Variants in SETD2 observed in about 807,000 individuals in gnomAD.
SETD2 encodes SET domain containing 2, histone lysine methyltransferase.
A neutral mutation model predicts 242.1 loss-of-function variants in SETD2; 31 were observed. The ratio of observed to expected loss-of-function variants is 0.13; its 90% CI spans 0.10 to 0.17. The LOEUF (loss-of-function observed/expected upper bound fraction) is 0.17, where lower values mean the gene tolerates loss of function less well. Among genes scored for constraint, SETD2 ranks in the 10% least tolerant of loss-of-function variants. The pLI, the probability that SETD2 is intolerant of heterozygous loss-of-function variation, is 1.00. For synonymous variants in SETD2, 1,006 were observed against 1,066.5 expected (o/e 0.94, Z 1.11); for missense variants, 2,481 against 3,046.3 (o/e 0.81, Z 4.37).
chr3:47,162,813 A>G (rs1697530188), intron 1 of SETD2, among the ~76,000 whole-genome samples: 2 of 152,248 alleles, frequency 1.3e-5, no homozygotes. Flanking sequence ...CGGCTTTTCA[A>G]AACAATGGTC....
chr3:47,137,318 G>A (rs1469930181), intron 1 of SETD2, among the ~76,000 whole-genome samples: 6 of 151,244 alleles, frequency 4.0e-5, no homozygotes, highest in Non-Finnish European at 8.9e-5. Flanking sequence ...TCAGCTTCCC[G>A]AGTAGCTGAG....
At chr3:47,115,271 T>A (rs1041702688) in intron 4 of SETD2, among the ~76,000 whole-genome samples, 1 of 152,100 alleles carries the variant, frequency 6.6e-6, no homozygotes, top group Non-Finnish European at 1.5e-5. Flanking sequence ...AACCTAATCA[T>A]GAGAACAACC....
In SETD2 at chr3:47,122,201, A is replaced by G. The variant is rs537620848; in HGVS notation, c.2435T>C (p.Ile812Thr). 79 of 1,613,986 alleles carry G rather than the reference A, an allele frequency of 4.9e-5. 2 individuals carry two copies. The South Asian group carries it at 7.5e-4, about 15-fold the overall frequency. ...PSLCNSEAEN[I>T]EPSVMKISSN... ...AGAAATCTTCATAACTGAAGGCTCA[A>G]TATTTTCAGCTTCAGAGTTACACAA... Residue 812 changes from isoleucine to threonine, a missense_variant, in exon 3 of 21, where the codon ATT becomes ACT. Physicochemically the swap from Ile to Thr is moderately conservative, Grantham distance 89 (BLOSUM62 -1). Around this residue, in one of 17 missense-constraint regions of SETD2, gnomAD observed 1,300 missense variants for 1,259.2 expected, o/e 1.03. Coordinates refer to ENST00000409792, the MANE Select transcript of SETD2 (RefSeq NM_014159.7).
At chr3:47,092,870 T>C (rs1443927497) in intron 9 of SETD2, among the ~76,000 whole-genome samples, 3 of 152,314 alleles carry the variant, frequency 2.0e-5, no homozygotes, top group African/African-American at 7.2e-5. Context: ...CCCATGTACC[T>C]ACCCCTTCCT....
At chr3:47,066,868 A>G in intron 13 of SETD2, 1 of 431,602 alleles carries the variant, frequency 2.3e-6, no homozygotes, top group Non-Finnish European at 4.1e-6. Flanking sequence ...ACAACAAAAC[A>G]GTGTAAGAGA....
At chr3:47,114,051 A>T (rs1368678083) in intron 4 of SETD2, 47 bp from the exon 5 acceptor site, 1 of 1,576,002 alleles carries the variant, frequency 6.3e-7, no homozygotes, top group Admixed American at 1.9e-5. Context: ...GCAGCAAAAG[A>T]ACCAAAGTAA....
chr3:47,086,369 A>G (rs1575748862), intron 10 of SETD2, 55 bp from the exon 11 acceptor site: 1 of 1,582,140 alleles, frequency 6.3e-7, no homozygotes, highest in East Asian at 2.3e-5. Context: ...ATATCAGAAT[A>G]TTACAAAGAG....
chr3:47,121,999 A>G lies in SETD2; in HGVS notation c.2637T>C (p.Ile879=). The change falls in exon 3 of 21, where the codon ATT becomes ATC. Residue 879 remains isoleucine (I), a synonymous_variant. Transcript: ENST00000409792. ...GTGGAAGACTCTGAAGAGATGAAGC[A>G]ATACCTGAACTCCCAATAGGTTGAT... is the stretch of plus-strand genomic sequence containing the variant. ...DLYQPIGSSG[I]ASSLQSLPPG... 1 of 1,614,006 alleles carries G rather than the reference A, an allele frequency of 6.2e-7. No homozygotes were observed. Among genetic ancestry groups the G allele is most frequent in the Non-Finnish European group, 8.5e-7 (1 of 1,179,982 alleles).
intron 1 of SETD2, among the ~76,000 whole-genome samples, chr3:47,151,735 G>A (rs1009557489): frequency 5.3e-5 from 8 of 151,358 alleles, no homozygotes; most frequent in Admixed American, 4.0e-4. Context: ...GCTGAGGCAG[G>A]AGAATTACTT....
At position 47,046,655 on chromosome 3, in the gene SETD2, G is replaced by A. The variant is rs1245803901; in HGVS notation, c.6964-34C>T. 1.9e-6 allele frequency: 3 copies of A among 1,589,442 alleles called. No homozygotes were observed. The African/African-American group carries it at 4.0e-5, about 21-fold the overall frequency. On this transcript the variant is annotated intron_variant, in intron 15 of 20. Coordinates refer to ENST00000409792, the MANE Select transcript of SETD2 (RefSeq NM_014159.7). ...TAAAATGAAGAAATCAATAATTTAA[G>A]CTTTTGTCACTTTAATAAACAGACT...
At chr3:47,060,540 AG>A (rs1459608206) in intron 14 of SETD2, among the ~76,000 whole-genome samples, 1 of 152,186 alleles carries the variant, frequency 6.6e-6, no homozygotes, top group African/African-American at 2.4e-5. Flanking sequence ...ACAAGTGAAA[AG>A]GATGGGTTTT....
At chr3:47,085,309 T>C (rs566345192) in intron 11 of SETD2, among the ~76,000 whole-genome samples, 2 of 152,352 alleles carry the variant, frequency 1.3e-5, no homozygotes, top group East Asian at 3.9e-4. Flanking sequence ...GTATCTTTTC[T>C]TAAAAAGTTT....
chr3:47,161,004 G>A (rs974331425), intron 1 of SETD2, among the ~76,000 whole-genome samples: 2 of 152,166 alleles, frequency 1.3e-5, no homozygotes, highest in African/African-American at 2.4e-5. Context: ...AACATCAGAC[G>A]CTAAGTGTTA....
At chr3:47,102,772 C>CAAAAAAAAAAAAAA (rs5848821) in intron 7 of SETD2, among the ~76,000 whole-genome samples, 1 of 97,940 alleles carries the variant, frequency 1.0e-5, no homozygotes, top group Non-Finnish European at 2.0e-5. Flanking sequence ...CCAGCCTGGG[C>CAAAAAAAAAAAAAA]AAAAAAAAAA....
rs759377907 is a variant in SETD2, at chr3:47,096,571, CAA to C, written c.5142+1382_5142+1383del. Among the ~76,000 whole-genome samples the C allele has an allele frequency of 9.0e-3, 287 of 31,906 alleles. 2 individuals carry two copies. Among genetic ancestry groups the C allele is most frequent in the African/African-American group, 0.03 (218 of 7,228 alleles). 20.9% of individuals were successfully genotyped at this position (31,906 alleles called of 152,430 possible). A position where few individuals can be genotyped will look rare whatever the true frequency, so the allele number is the denominator to read the frequency against. On this transcript the variant is annotated intron_variant, in intron 9 of 20. Coordinates refer to ENST00000409792, the MANE Select transcript of SETD2 (RefSeq NM_014159.7). ...TAAGCAACAGAATGAGATTTTGCCT[CAA>C]AAAAAAAAAAAAAAAAAAAAAAAGG...
At position 47,088,150 on chromosome 3, in the gene SETD2, G is replaced by A. The variant is rs2107651036; in HGVS notation, c.5240C>T (p.Thr1747Ile). 1 of 1,613,878 alleles carries A rather than the reference G, an allele frequency of 6.2e-7. No homozygotes were observed. The highest frequency in any genetic ancestry group is 1.1e-5 in the South Asian group (1 of 91,080). Residue 1747 changes from threonine (T) to isoleucine (I), a missense_variant, in exon 10 of 21, where the codon ACT becomes ATT. This residue lies in a region of SETD2 where 62 missense variants were observed against 136.7 expected (regional missense o/e 0.45). Transcript: ENST00000409792. ...CAGACAGGTAAGTTTCTGCTCCAAA[G>A]TTTCAATTCTAACCATTAGCCGGGA... ...SLSRLMVRIETLEQKLTCLEL... is the reference protein window; with the variant it reads ...SLSRLMVRIEILEQKLTCLEL...
At chr3:47,041,290 C>A (rs533643486) in intron 17 of SETD2, 2 of 357,316 alleles carry the variant, frequency 5.6e-6, no homozygotes, top group Non-Finnish European at 1.1e-5. Flanking sequence ...ACTTTATTTG[C>A]CAAAACAAGT....
chr3:47,042,994 A>G (rs758914029), intron 16 of SETD2, among the ~76,000 whole-genome samples: 16 of 151,826 alleles, frequency 1.1e-4, no homozygotes, highest in Non-Finnish European at 2.1e-4. Context: ...CAACTGCAGG[A>G]TACCAATTAA....
At chr3:47,061,211 C>G (rs1451238430) in intron 14 of SETD2, among the ~76,000 whole-genome samples, 2 of 152,008 alleles carry the variant, frequency 1.3e-5, no homozygotes, top group East Asian at 1.9e-4. Context: ...GAGCAAGGCT[C>G]TGTCTCAAAA....
Sources: gnomAD v4.1 joint callset for allele counts (sites outside exome capture counted in the v4.1 genomes callset) on GRCh38, gnomAD v4.1.1 for gene constraint, gnomAD v4.1.1 regional missense constraint, MANE v1.5 for transcripts, NCBI Gene and HGNC (gene_info 2026-07-23, HGNC 2026-07-21) for gene names.